The following PPFIBP2 variants were observed in gnomAD, a reference collection of about 807,000 sequenced individuals.
The protein encoded by PPFIBP2 is PPFIB scaffold protein 2, also known as liprin-beta-2.
A neutral mutation model predicts 118.3 loss-of-function variants in PPFIBP2; 118 were observed. That is an observed-to-expected ratio of 1.00 (90% confidence interval 0.86 to 1.16). The LOEUF is 1.16. PPFIBP2 is among the 50% of genes most tolerant of loss of function. The pLI is 0.00. For missense variants in PPFIBP2, 1,195 were observed against 1,073.1 expected (o/e 1.11, Z -1.59); for synonymous variants, 414 against 397.4 (o/e 1.04, Z -0.50).
At chr11:7,565,439 C>T (rs72849614) in intron 2 of PPFIBP2, 114 bp from the exon 3 acceptor site, 30,833 of 1,094,998 alleles carry the variant, frequency 0.028, 511 homozygotes, top group Middle Eastern at 0.045. Flanking sequence ...CCCAGCTCAC[C>T]CCCAGCTTCT....
intron 7 of PPFIBP2, among the ~76,000 whole-genome samples, chr11:7,621,543 A>G (rs1849356065): frequency 6.6e-6 from 1 of 152,250 alleles, no homozygotes; most frequent in Non-Finnish European, 1.5e-5. Flanking sequence ...AAGGACACCA[A>G]TAATAAATTC....
At chr11:7,517,971 G>A (rs1384099268) in intron 1 of PPFIBP2, among the ~76,000 whole-genome samples, 2 of 152,222 alleles carry the variant, frequency 1.3e-5, no homozygotes, top group Admixed American at 6.5e-5. Context: ...ACCTGGGTAT[G>A]GGCATTGTCT....
chr11:7,566,539 T>A (rs995764557), intron 3 of PPFIBP2, among the ~76,000 whole-genome samples: 3 of 151,856 alleles, frequency 2.0e-5, no homozygotes, highest in African/African-American at 4.8e-5. Flanking sequence ...AAAAAAAAAA[T>A]TTTGTGTGTG....
At chr11:7,646,138 A>C (rs2135957264) in intron 17 of PPFIBP2, among the ~76,000 whole-genome samples, 1 of 152,378 alleles carries the variant, frequency 6.6e-6, no homozygotes, top group East Asian at 1.9e-4. Flanking sequence ...ATATGAATCC[A>C]TTGGGAAAAG....
intron 1 of PPFIBP2, among the ~76,000 whole-genome samples, chr11:7,534,269 T>G (rs1408137472): frequency 1.3e-5 from 2 of 152,230 alleles, no homozygotes; most frequent in African/African-American, 4.8e-5. Context: ...AGCCTGTTAC[T>G]ATAAAAAGAA....
chr11:7,533,133 T>C (rs775199002), intron 1 of PPFIBP2, among the ~76,000 whole-genome samples: 1 of 152,144 alleles, frequency 6.6e-6, no homozygotes, highest in Non-Finnish European at 1.5e-5. Flanking sequence ...TTTTTTCTCA[T>C]TGGTCCTTCA....
intron 1 of PPFIBP2, among the ~76,000 whole-genome samples, chr11:7,526,249 C>A (rs754819509): frequency 6.6e-6 from 1 of 152,172 alleles, no homozygotes; most frequent in Non-Finnish European, 1.5e-5. Flanking sequence ...TGTGGATCAA[C>A]CAACTGGGGT....
chr11:7,614,662 A>C (rs745781315), intron 6 of PPFIBP2, among the ~76,000 whole-genome samples: 67 of 152,250 alleles, frequency 4.4e-4, no homozygotes, highest in Non-Finnish European at 1.6e-4. Context: ...AGATATTTCC[A>C]AATTGCCCTC....
At chr11:7,571,280 C>T (rs1394567202) in intron 3 of PPFIBP2, among the ~76,000 whole-genome samples, 2 of 152,344 alleles carry the variant, frequency 1.3e-5, no homozygotes, top group South Asian at 2.1e-4. Context: ...CAGCTCCAAA[C>T]CACCTTGTCA....
rs554131295 is a variant in PPFIBP2, at chr11:7,650,821, C to T, written c.2122-19C>T. 1.7e-5 allele frequency: 28 copies of T among 1,612,376 alleles called. No individual in the cohort carries two copies. In the African/African-American group the frequency reaches 3.2e-4, roughly 18 times the overall value. On this transcript the variant is annotated intron_variant, in intron 21 of 23. Transcript: ENST00000299492. ...ACCTATTAAGCCTAACTTCCTCACT[C>T]TCCTTCTCCCTCTGACAGAGTAACC...
At chr11:7,549,744 C>T (rs190165420) in intron 2 of PPFIBP2, among the ~76,000 whole-genome samples, 3 of 150,144 alleles carry the variant, frequency 2.0e-5, no homozygotes, top group African/African-American at 4.9e-5. Flanking sequence ...TGTGATCGTT[C>T]TGGTCTCTGC....
At chr11:7,527,969 C>T (rs1007588627) in intron 1 of PPFIBP2, among the ~76,000 whole-genome samples, 4 of 152,178 alleles carry the variant, frequency 2.6e-5, no homozygotes, top group Admixed American at 1.3e-4. Context: ...AGCAGCCTTT[C>T]AGGGCTTTAA....
rs146064795 is a variant in PPFIBP2, at chr11:7,572,607, C to T, written c.279+6840C>T. Among the ~76,000 whole-genome samples, 44 of 152,304 alleles carry T rather than the reference C, an allele frequency of 2.9e-4. No individual in the cohort carries two copies. In the East Asian group the frequency reaches 5.0e-3, roughly 17 times the overall value. ...GTTAGCATAACTTGAGGTCTGAGCA[C>T]GTAGACACCCACTTACCCTCCACCT... On this transcript the variant is annotated intron_variant, in intron 3 of 23. Transcript: ENST00000299492.
rs770353887 is a variant in PPFIBP2, at chr11:7,630,996, A to C, written c.1036A>C (p.Asn346His). ...AGGTTTCAGCAAGTGGAACGCTACAAATAAGGACCCTGAAGAATTATTTAA... is the reference window on the plus strand; with the variant it reads ...AGGTTTCAGCAAGTGGAACGCTACACATAAGGACCCTGAAGAATTATTTAA... ...EGGFSKWNAT[N>H]KDPEELFKQE... The change falls in exon 11 of 24, where the codon AAT becomes CAT. Residue 346 changes from asparagine to histidine, a missense_variant. Asn to His is a moderately conservative substitution (Grantham distance 68). Transcript: ENST00000299492. 1 of 1,613,960 alleles carries C rather than the reference A, an allele frequency of 6.2e-7. No homozygotes were observed. The highest frequency in any genetic ancestry group is 1.1e-5 in the South Asian group (1 of 91,072).
At chr11:7,646,721 T>C (rs1853122879) in intron 17 of PPFIBP2, among the ~76,000 whole-genome samples, 1 of 152,126 alleles carries the variant, frequency 6.6e-6, no homozygotes, top group African/African-American at 2.4e-5. Context: ...CCAGACCCCA[T>C]CTCTAAAAAT....
Position 7,653,108 on chromosome 11 carries a change from C to T in PPFIBP2, c.2521C>T (p.Pro841Ser). Residue 841 changes from proline to serine, a missense_variant, in exon 24 of 24, where the codon CCC (proline) becomes TCC (serine). By Grantham distance (74) the Pro-to-Ser change is moderately conservative. Transcript: ENST00000299492. ...GACGGACTACATTTGCCCAATGGAG[C>T]CCAGTGACGGTGTCAGTGATAGTCA... Reference protein sequence around the residue: ...ESTDYICPMEPSDGVSDSHRV... With the variant: ...ESTDYICPMESSDGVSDSHRV... The T allele has an allele frequency of 6.2e-7, 1 of 1,614,192 alleles. No homozygotes were observed. Among genetic ancestry groups the T allele is most frequent in the Non-Finnish European group, 8.5e-7 (1 of 1,180,002 alleles).
chr11:7,516,774 G>A (rs763404496), intron 1 of PPFIBP2, among the ~76,000 whole-genome samples: 2 of 152,128 alleles, frequency 1.3e-5, no homozygotes, highest in African/African-American at 2.4e-5. Context: ...TCTTCTGGCC[G>A]GCTGTCTTCC....
Position 7,565,710 on chromosome 11 carries a change from G to A in PPFIBP2, c.222G>A (p.Leu74=). 4 of 1,614,158 alleles carry A rather than the reference G, an allele frequency of 2.5e-6. No homozygotes were observed. Among genetic ancestry groups the A allele is most frequent in the Middle Eastern group, 1.6e-4 (1 of 6,062 alleles). Residue 74 remains leucine, a synonymous_variant, in exon 3 of 24, where the codon CTG becomes CTA. Transcript: ENST00000299492. ...TTCCTCAGGAGAGAGCAGCCCTCCT[G>A]AGCCAGATCCCTGGCCCAACAGCTG... The part of the protein sequence containing the change: ...LELPQERAAL[L]SQIPGPTAAY...
At chr11:7,643,084 A>G (rs1272617662) in intron 17 of PPFIBP2, among the ~76,000 whole-genome samples, 1 of 152,222 alleles carries the variant, frequency 6.6e-6, no homozygotes, top group East Asian at 1.9e-4. Flanking sequence ...TTTAGAGGCT[A>G]GAGAATCTAA....
Sources: allele counts gnomAD v4.1 joint callset (sites outside exome capture counted in the v4.1 genomes callset), GRCh38; gene constraint gnomAD v4.1.1; transcripts MANE v1.5; gene names NCBI Gene and HGNC (gene_info 2026-07-23, HGNC 2026-07-21).